TMEM239: variants seen among roughly 807,000 people sequenced by gnomAD.
TMEM239 encodes the protein transmembrane protein 239.
A neutral mutation model predicts 14.6 loss-of-function variants in TMEM239; 10 were observed. The observed-to-expected ratio is 0.68, with a 90% CI of 0.42 to 1.16. The LOEUF (loss-of-function observed/expected upper bound fraction) is 1.16. TMEM239 is among the 50% of genes most tolerant of loss of function. The pLI is 0.00. For missense variants in TMEM239, 183 were observed against 194.4 expected, an observed-to-expected ratio of 0.94 and a Z score of 0.35; for synonymous variants, 94 against 89.9, an observed-to-expected ratio of 1.05 and a Z score of -0.26.
chr20:2,816,489 C>A, intron 1 of TMEM239, 55 bp from the exon 2 acceptor site: 2 of 1,454,424 alleles, frequency 1.4e-6, no homozygotes, highest in Non-Finnish European at 1.8e-6. Flanking sequence ...CACCCCCTCT[C>A]TGCCCCCCCC....
chr20:2,816,307 G>A (rs755518749), upstream of TMEM239: 40 of 1,533,122 alleles, frequency 2.6e-5, 1 homozygote, highest in South Asian at 4.8e-4. Flanking sequence ...GGGTCACAAA[G>A]GGGCTCCTCT....
At chr20:2,815,898 T>C (rs2088663432), upstream of TMEM239, 8 of 789,314 alleles carry the variant, frequency 1.0e-5, no homozygotes, top group African/African-American at 1.7e-5. Flanking sequence ...AGCCTGAACC[T>C]CACAGTCCTA....
At chr20:2,815,926 A>G (rs2088663619), upstream of TMEM239, 1 of 699,478 alleles carries the variant, frequency 1.4e-6, no homozygotes, top group Non-Finnish European at 2.5e-6. Flanking sequence ...GGTATCAGAT[A>G]CCTGGATCTG....
chr20:2,817,493 G>A lies in TMEM239; in HGVS notation c.*480G>A, dbSNP rs2088691801. 5.4e-6 allele frequency: 1 copy of A among 184,940 alleles called. No homozygotes were observed. The highest frequency in any genetic ancestry group is 2.4e-5 in the African/African-American group (1 of 42,552). The allele number at this position is 184,940 out of a possible 1,614,324, so 11.5% of individuals were successfully genotyped here. On this transcript the variant is annotated 3_prime_UTR_variant, in exon 2 of 2. Coordinates refer to ENST00000380585, the MANE Select transcript of TMEM239 (RefSeq NM_001167670.3). ...ACCACAGACTCTAGAGAGGGTCCCAGTGACAAAAATCTATCAGGGAGAAGG... is the reference window on the plus strand; with the variant it reads ...ACCACAGACTCTAGAGAGGGTCCCAATGACAAAAATCTATCAGGGAGAAGG...
chr20:2,815,950 C>A, upstream of TMEM239: 1 of 653,820 alleles, frequency 1.5e-6, no homozygotes, highest in Non-Finnish European at 2.7e-6. Context: ...CTTTGGGCAG[C>A]AAGAGAAGGT....
chr20:2,816,331 G>A (rs1238966695), upstream of TMEM239: 17 of 1,535,774 alleles, frequency 1.1e-5, no homozygotes, highest in East Asian at 3.4e-4. Flanking sequence ...GAGGGTGGGG[G>A]TAGATGAGAG....
In TMEM239 at chr20:2,816,500, C is replaced by A. The variant is rs535751196; in HGVS notation, c.-11-44C>A. The A allele has an allele frequency of 2.9e-4, 444 of 1,527,006 alleles. 1 individual carries two copies. The highest frequency in any genetic ancestry group is 5.4e-4 in the East Asian group (22 of 40,812). The allele number at this position is 1,527,006 out of a possible 1,614,324, so 94.6% of individuals were successfully genotyped here. ...CCTGCACCCCCTCTCTGCCCCCCCC[C>A]CCCAAGGTCCCAGGCATCTTCAAGA... On this transcript the variant is annotated intron_variant, in intron 1 of 1. Coordinates refer to ENST00000380585, the MANE Select transcript of TMEM239 (RefSeq NM_001167670.3).
upstream of TMEM239, chr20:2,815,951 A>C (rs2088663917): frequency 1.5e-6 from 1 of 650,948 alleles, no homozygotes; most frequent in African/African-American, 1.8e-5. Flanking sequence ...TTTGGGCAGC[A>C]AGAGAAGGTA....
chr20:2,815,844 T>C, upstream of TMEM239: 1 of 1,371,946 alleles, frequency 7.3e-7, no homozygotes, highest in Non-Finnish European at 1.0e-6. Flanking sequence ...GGCCCCCTTT[T>C]CTCCTTCCTG....
chr20:2,816,241 G>C (rs1365520827), upstream of TMEM239: 5 of 1,103,572 alleles, frequency 4.5e-6, no homozygotes, highest in Non-Finnish European at 6.6e-6. Flanking sequence ...AGAGGGACTT[G>C]GGTGGGCCTC....
Position 2,817,529 on chromosome 20 carries a change from G to T in TMEM239, c.*516G>T, listed in dbSNP as rs2088692274. ...CTATCAGGGAGAAGGCTGGCCAGAA[G>T]CCCCAGGAGACCTCAACTCACTCGC... On this transcript the variant is annotated 3_prime_UTR_variant, in exon 2 of 2. Coordinates refer to ENST00000380585, the MANE Select transcript of TMEM239 (RefSeq NM_001167670.3). 5.9e-6 allele frequency: 1 copy of T among 170,158 alleles called. No homozygotes were observed. Among genetic ancestry groups the T allele is most frequent in the Non-Finnish European group, 1.3e-5 (1 of 78,514 alleles). 10.5% of individuals were successfully genotyped at this position (170,158 alleles called of 1,614,324 possible).
downstream of TMEM239, chr20:2,819,666 C>T (rs2088707133): frequency 6.6e-6 from 1 of 151,398 alleles, no homozygotes; most frequent in South Asian, 2.1e-4. Flanking sequence ...CGCTCCACCT[C>T]CCAGGTCCAA....
rs989982116 is a variant in TMEM239 at position 2,817,792 on chromosome 20, G to C, written c.*779G>C. The C allele has an allele frequency of 7.2e-5, 11 of 152,302 alleles. No individual in the cohort carries two copies. Among genetic ancestry groups the C allele is most frequent in the African/African-American group, 2.7e-4 (11 of 41,458 alleles). The allele number at this position is 152,302 out of a possible 1,614,324, so 9.4% of individuals were successfully genotyped here. The stretch of plus-strand genomic sequence containing the variant: ...CCTCAATGTTACGTGGGCCACTTCT[G>C]TCATGGGGTTGTTGTGAGTCAAAGA... On this transcript the variant is annotated 3_prime_UTR_variant, in exon 2 of 2. Coordinates refer to ENST00000380585, the MANE Select transcript of TMEM239 (RefSeq NM_001167670.3).
In TMEM239 at chr20:2,817,323, C is replaced by A; in HGVS notation, c.*310C>A. Reference sequence around the variant, plus strand: ...TAGCGCCCATATGGATGTGATGATACCCGTGGGGCCCCCTTGGCAACTGAC... The same window carrying A: ...TAGCGCCCATATGGATGTGATGATAACCGTGGGGCCCCCTTGGCAACTGAC... On this transcript the variant is annotated 3_prime_UTR_variant, in exon 2 of 2. Coordinates refer to ENST00000380585, the MANE Select transcript of TMEM239 (RefSeq NM_001167670.3). 1.9e-6 allele frequency: 1 copy of A among 514,048 alleles called. No homozygotes were observed. Among genetic ancestry groups the A allele is most frequent in the Non-Finnish European group, 3.4e-6 (1 of 292,346 alleles). 31.8% of individuals were successfully genotyped at this position (514,048 alleles called of 1,614,324 possible). A position where few individuals can be genotyped will look rare whatever the true frequency, so the allele number is the denominator to read the frequency against.
chr20:2,817,150 C>A lies in TMEM239; in HGVS notation c.*137C>A. 8.8e-7 allele frequency: 1 copy of A among 1,139,334 alleles called. No homozygotes were observed. Among genetic ancestry groups the A allele is most frequent in the Non-Finnish European group, 1.2e-6 (1 of 821,634 alleles). 70.6% of individuals were successfully genotyped at this position (1,139,334 alleles called of 1,614,324 possible). A position where few individuals can be genotyped will look rare whatever the true frequency, so the allele number is the denominator to read the frequency against. On this transcript the variant is annotated 3_prime_UTR_variant, in exon 2 of 2. Transcript: ENST00000380585. The stretch of plus-strand genomic sequence containing the variant: ...AGACCCCTAGTCCCTAACAGGTAGA[C>A]TGGCCTGACCCCGGACTCCTTCCTC...
chr20:2,815,983 A>G (rs1350323403), upstream of TMEM239: 7 of 615,828 alleles, frequency 1.1e-5, no homozygotes, highest in Admixed American at 1.2e-4. Flanking sequence ...AGGGAGCCCA[A>G]GGAAGAATGT....
chr20:2,816,451 A>G, intron 1 of TMEM239, 36 bp downstream of exon 1: 2 of 1,532,020 alleles, frequency 1.3e-6, no homozygotes, highest in Non-Finnish European at 1.7e-6. Context: ...GCCCCACCCC[A>G]CGCACACTGG....
chr20:2,818,702 G>C (rs1279744222), downstream of TMEM239: 1 of 152,252 alleles, frequency 6.6e-6, no homozygotes, highest in African/African-American at 2.4e-5. Context: ...GGCTGGGCGT[G>C]AGTCCCAGCA....
At chr20:2,818,147 ACAG>A (rs2088698156), downstream of TMEM239, 1 of 152,142 alleles carries the variant, frequency 6.6e-6, no homozygotes, top group African/African-American at 2.4e-5. Flanking sequence ...GTGAGTGGGG[ACAG>A]CACAGCCCCA....
Sources: allele counts gnomAD v4.1 joint callset, GRCh38; gene constraint gnomAD v4.1.1; transcripts MANE v1.5; gene names NCBI Gene and HGNC (gene_info 2026-07-23, HGNC 2026-07-21).